The following DST variants were observed in gnomAD, a reference collection of about 807,000 sequenced individuals.
DST encodes bullous pemphigoid antigen.
Under a neutral mutation model 875.2 loss-of-function variants are expected in DST, and 253 were observed. The observed-to-expected ratio is 0.29, with a 90% CI of 0.26 to 0.32. The LOEUF is 0.32. Ranked by LOEUF, DST falls within the 10% of genes least tolerant of loss-of-function variation. DST has a pLI of 1.00. For synonymous variants in DST, 3,124 were observed against 3,197.1 expected (o/e 0.98, Z 0.77); for missense variants, 8,287 against 9,111.6 (o/e 0.91, Z 3.68).
At chr6:56,778,592 T>C (rs1461257407) in intron 4 of DST, among the ~76,000 whole-genome samples, 1 of 144,292 alleles carries the variant, frequency 6.9e-6, no homozygotes, top group Non-Finnish European at 1.5e-5. Context: ...GTCCATGTGT[T>C]CTCATTGTTC....
intron 69 of DST, 122 bp from the exon 70 acceptor site, chr6:56,517,742 G>A: frequency 8.5e-7 from 1 of 1,178,728 alleles, no homozygotes; most frequent in Non-Finnish European, 1.2e-6. Context: ...GTCTCCTCAT[G>A]GCATCCTAAA....
At chr6:56,927,481 T>C (rs577248070) in intron 2 of DST, among the ~76,000 whole-genome samples, 67 of 152,272 alleles carry the variant, frequency 4.4e-4, no homozygotes, top group African/African-American at 1.5e-3. Flanking sequence ...ATCTCAGATA[T>C]AAATATTAAT....
At chr6:56,749,880 T>A (rs1563996264) in intron 4 of DST, among the ~76,000 whole-genome samples, 1 of 152,186 alleles carries the variant, frequency 6.6e-6, no homozygotes, top group Non-Finnish European at 1.5e-5. Context: ...TATTTAACTG[T>A]AGTTTACAGC....
At chr6:56,638,368 TAA>T (rs1279835887) in intron 22 of DST, among the ~76,000 whole-genome samples, 1 of 152,168 alleles carries the variant, frequency 6.6e-6, no homozygotes, top group Non-Finnish European at 1.5e-5. Flanking sequence ...GTATTTTATA[TAA>T]AAGATCATAC....
intron 2 of DST, among the ~76,000 whole-genome samples, chr6:56,924,262 T>C (rs1341135907): frequency 6.6e-6 from 1 of 152,162 alleles, no homozygotes; most frequent in Non-Finnish European, 1.5e-5. Flanking sequence ...ACTCCCATCA[T>C]GGCCATGATA....
chr6:56,511,782 G>A (rs918206399), intron 72 of DST, among the ~76,000 whole-genome samples: 1 of 151,980 alleles, frequency 6.6e-6, no homozygotes, highest in Non-Finnish European at 1.5e-5. Flanking sequence ...ATATCTGATG[G>A]TGTTCCTTTC....
At chr6:56,637,474 T>G (rs1267365638) in intron 22 of DST, among the ~76,000 whole-genome samples, 1 of 152,184 alleles carries the variant, frequency 6.6e-6, no homozygotes. Flanking sequence ...AAAATATACC[T>G]TCTAACACAG....
intron 102 of DST, among the ~76,000 whole-genome samples, chr6:56,462,455 A>AT (rs1333872198): frequency 9.8e-5 from 15 of 152,314 alleles, no homozygotes; most frequent in Admixed American, 9.8e-4. Flanking sequence ...AAAATGACAA[A>AT]TAACTTTCTG....
chr6:56,521,966 A>G (rs2096716238), intron 69 of DST, among the ~76,000 whole-genome samples: 1 of 152,130 alleles, frequency 6.6e-6, no homozygotes, highest in South Asian at 2.1e-4. Flanking sequence ...TAATCTTGGC[A>G]TCCATAATTG....
chr6:56,781,876 T>C (rs1403641767), intron 4 of DST, among the ~76,000 whole-genome samples: 2 of 152,204 alleles, frequency 1.3e-5, no homozygotes, highest in African/African-American at 2.4e-5. Context: ...AGATAGCTCT[T>C]ATTATTTTGA....
At position 56,775,144 on chromosome 6, in the gene DST, A is replaced by T. The variant is rs1037286277; in HGVS notation, c.626-39855T>A. Among the ~76,000 whole-genome samples the T allele has an allele frequency of 2.0e-5, 3 of 152,182 alleles. No homozygotes were observed. In the South Asian group the frequency reaches 6.2e-4, roughly 32 times the overall value. On this transcript the variant is annotated intron_variant, in intron 4 of 103. Transcript: ENST00000680361. Reference sequence around the variant, plus strand: ...GTTACAAGAGTAACTAAATTCTCCCAGGAAGAACAGAAAGAACAAGGAAGA... The same window carrying T: ...GTTACAAGAGTAACTAAATTCTCCCTGGAAGAACAGAAAGAACAAGGAAGA...
intron 3 of DST, among the ~76,000 whole-genome samples, chr6:56,889,835 T>A (rs1012095839): frequency 1.3e-5 from 2 of 152,162 alleles, no homozygotes; most frequent in Non-Finnish European, 2.9e-5. Context: ...TCTTGCTACC[T>A]CCTAGGTGCC....
intron 2 of DST, among the ~76,000 whole-genome samples, chr6:56,947,973 GTAATT>G (rs552421210): frequency 1.3e-3 from 75 of 58,582 alleles, no homozygotes; most frequent in African/African-American, 3.7e-3. Context: ...ATGATAAAGT[GTAATT>G]TAATTAAGTA....
At chr6:56,539,212 T>C (rs1273610352) in intron 61 of DST, among the ~76,000 whole-genome samples, 3 of 152,166 alleles carry the variant, frequency 2.0e-5, no homozygotes, top group Admixed American at 6.5e-5. Context: ...TTGGAGTAGA[T>C]CTAGGTAAAT....
intron 4 of DST, among the ~76,000 whole-genome samples, chr6:56,811,578 A>C (rs1344376854): frequency 6.6e-6 from 1 of 152,194 alleles, no homozygotes; most frequent in Non-Finnish European, 1.5e-5. Context: ...TTTAAAATGG[A>C]GAAGAAAAAA....
In DST at chr6:56,459,192, C is replaced by T. The variant is rs772149151; in HGVS notation, c.23270G>A (p.Gly7757Asp). ...AATGTCAAAGTCTGATGCATCACTG[C>T]CTCGGCGGCTGCTGGCCCTGCTGCC... is the stretch of plus-strand genomic sequence containing the variant. ...KAGSRASSRR[G>D]SDASDFDISE... Residue 7757 changes from glycine (G) to aspartate (D), a missense_variant, in exon 104 of 104, where the codon GGC (glycine) becomes GAC (aspartate). Coordinates refer to ENST00000680361, the MANE Select transcript of DST (RefSeq NM_001374736.1). The T allele has an allele frequency of 5.0e-6, 8 of 1,613,920 alleles. No homozygotes were observed. Among genetic ancestry groups the T allele is most frequent in the Non-Finnish European group, 6.8e-6 (8 of 1,179,854 alleles).
At chr6:56,529,823 A>C in intron 65 of DST, 49 bp from the exon 66 acceptor site, 4 of 1,461,092 alleles carry the variant, frequency 2.7e-6, no homozygotes, top group Non-Finnish European at 3.6e-6. Flanking sequence ...AGAATGGACA[A>C]ATAAAAATGA....
At chr6:56,704,806 T>G (rs542680223) in intron 5 of DST, among the ~76,000 whole-genome samples, 4 of 152,196 alleles carry the variant, frequency 2.6e-5, no homozygotes, top group African/African-American at 9.7e-5. Flanking sequence ...TAGAAATCCA[T>G]AGACGTGAGC....
chr6:56,810,414 A>G (rs1318827294), intron 4 of DST, among the ~76,000 whole-genome samples: 2 of 152,232 alleles, frequency 1.3e-5, no homozygotes, highest in African/African-American at 4.8e-5. Flanking sequence ...TATTCATAAC[A>G]TACCCAAGTA....
Sources: gnomAD v4.1 joint callset for allele counts (sites outside exome capture counted in the v4.1 genomes callset) on GRCh38, gnomAD v4.1.1 for gene constraint, MANE v1.5 for transcripts, NCBI Gene and HGNC (gene_info 2026-07-23, HGNC 2026-07-21) for gene names.